CLOCK: variants seen among roughly 807,000 people sequenced by gnomAD.
The protein encoded by CLOCK is clock circadian regulator.
Under a neutral mutation model 118.4 loss-of-function variants are expected in CLOCK, and 43 were observed. The observed-to-expected ratio is 0.36, with a 90% CI of 0.28 to 0.47. The LOEUF (loss-of-function observed/expected upper bound fraction) is 0.47. Among genes scored for constraint, CLOCK ranks in the 20% least tolerant of loss-of-function variants. The probability of loss-of-function intolerance (pLI) is 1.00; values close to 1 mark genes in which losing one functional copy is unlikely to be tolerated. For synonymous variants in CLOCK, 326 were observed against 339.2 expected (o/e 0.96, Z 0.43); for missense variants, 846 against 999.9 (o/e 0.85, Z 2.08).
chr4:55,491,540 C>CA (rs1727693939), intron 2 of CLOCK, among the ~76,000 whole-genome samples: 1 of 151,890 alleles, frequency 6.6e-6, no homozygotes. Flanking sequence ...TGAGACAACT[C>CA]AATAAATATA....
intron 1 of CLOCK, among the ~76,000 whole-genome samples, chr4:55,525,928 G>A (rs1398424865): frequency 1.3e-5 from 2 of 149,038 alleles, no homozygotes; most frequent in African/African-American, 2.5e-5. Flanking sequence ...GGGTTAATAC[G>A]AAAATGTTTA....
chr4:55,534,921 A>T (rs1272448179), intron 1 of CLOCK, among the ~76,000 whole-genome samples: 2 of 148,288 alleles, frequency 1.3e-5, no homozygotes, highest in Non-Finnish European at 3.0e-5. Flanking sequence ...TTTCTGTATA[A>T]AGTGAGAATT....
chr4:55,444,198 A>G (rs1223157078), intron 19 of CLOCK, among the ~76,000 whole-genome samples: 1 of 152,186 alleles, frequency 6.6e-6, no homozygotes, highest in African/African-American at 2.4e-5. Context: ...TTTCACTCCA[A>G]GTTTCCCTTT....
At chr4:55,535,818 A>G (rs557669002) in intron 1 of CLOCK, among the ~76,000 whole-genome samples, 117 of 142,456 alleles carry the variant, frequency 8.2e-4, no homozygotes, top group African/African-American at 3.0e-3. Flanking sequence ...ATCTTGGCTC[A>G]CTGCAACCTC....
At chr4:55,514,493 ATTT>A (rs1363758262) in intron 1 of CLOCK, among the ~76,000 whole-genome samples, 4 of 133,682 alleles carry the variant, frequency 3.0e-5, no homozygotes, top group African/African-American at 1.1e-4. Flanking sequence ...ATTTTAGAAC[ATTT>A]TTATCCCCCC....
chr4:55,518,122 T>C (rs1311551186), intron 1 of CLOCK, among the ~76,000 whole-genome samples: 2 of 152,202 alleles, frequency 1.3e-5, no homozygotes, highest in Non-Finnish European at 2.9e-5. Context: ...GGAGCTATTG[T>C]TTCAGCTTTA....
intron 13 of CLOCK, among the ~76,000 whole-genome samples, chr4:55,454,353 G>A (rs1014619729): frequency 1.1e-4 from 17 of 152,010 alleles, no homozygotes; most frequent in Admixed American, 8.5e-4. Context: ...GGTGGCTCAC[G>A]CCTGTAATCT....
At chr4:55,517,769 A>G (rs1291676167) in intron 1 of CLOCK, among the ~76,000 whole-genome samples, 1 of 152,080 alleles carries the variant, frequency 6.6e-6, no homozygotes, top group Non-Finnish European at 1.5e-5. Flanking sequence ...TACAAAATCA[A>G]TTTGCTTAAT....
intron 7 of CLOCK, among the ~76,000 whole-genome samples, chr4:55,473,376 T>G (rs1293073705): frequency 6.6e-6 from 1 of 152,230 alleles, no homozygotes; most frequent in Non-Finnish European, 1.5e-5. Context: ...TGAGTTAATA[T>G]ATAAAAATTA....
intron 8 of CLOCK, among the ~76,000 whole-genome samples, chr4:55,467,241 A>AT (rs1725795443): frequency 6.6e-6 from 1 of 152,190 alleles, no homozygotes; most frequent in African/African-American, 2.4e-5. Context: ...CTCACTAAAG[A>AT]TTAGAAAGGG....
intron 17 of CLOCK, 56 bp downstream of exon 17, chr4:55,449,339 TC>T: frequency 6.9e-7 from 1 of 1,439,866 alleles, no homozygotes; most frequent in Non-Finnish European, 9.8e-7. Flanking sequence ...AAGATTTAGA[TC>T]ATTTTTCCCC....
At chr4:55,448,601 C>CGTGTGTGTGTGT (rs3034980) in intron 18 of CLOCK, among the ~76,000 whole-genome samples, 178 bp downstream of exon 18, 1 of 116,978 alleles carries the variant, frequency 8.5e-6, no homozygotes. Flanking sequence ...CGCACGCGCG[C>CGTGTGTGTGTGT]GTGTGTGTGT....
intron 8 of CLOCK, among the ~76,000 whole-genome samples, chr4:55,470,402 T>G (rs1344435109): frequency 1.3e-5 from 2 of 152,230 alleles, no homozygotes; most frequent in African/African-American, 4.8e-5. Context: ...ATATACCATA[T>G]AGCCTAAGTG....
chr4:55,458,794 G>A (rs1725100547), intron 11 of CLOCK, 98 bp downstream of exon 11: 1 of 784,882 alleles, frequency 1.3e-6, no homozygotes, highest in Non-Finnish European at 2.2e-6. Flanking sequence ...CATATTTAAT[G>A]ACTCATAGCC....
At chr4:55,542,487 T>C (rs910486550) in intron 1 of CLOCK, among the ~76,000 whole-genome samples, 4 of 150,884 alleles carry the variant, frequency 2.7e-5, no homozygotes, top group Admixed American at 2.0e-4. Context: ...GTATCTCCCA[T>C]AGTAAATAGT....
At chr4:55,463,039 T>G (rs1400456489) in intron 9 of CLOCK, among the ~76,000 whole-genome samples, 1 of 152,204 alleles carries the variant, frequency 6.6e-6, no homozygotes, top group Non-Finnish European at 1.5e-5. Context: ...TTCTGGATTT[T>G]ATACAGGGTA....
intron 1 of CLOCK, 159 bp downstream of exon 1, chr4:55,546,623 C>CCCCA (rs1417401767): frequency 2.3e-5 from 3 of 128,860 alleles, no homozygotes; most frequent in African/African-American, 5.7e-5. Context: ...GAGTGGCGCC[C>CCCCA]CCCACCCACC....
At chr4:55,545,754 T>C (rs1731574592) in intron 1 of CLOCK, 1 of 152,192 alleles carries the variant, frequency 6.6e-6, no homozygotes, top group Non-Finnish European at 1.5e-5. Flanking sequence ...TGTAGGAAAT[T>C]ACACTCCAGG....
chr4:55,458,930 C>T lies in CLOCK; in HGVS notation c.754G>A (p.Val252Ile), dbSNP rs777879349. 1.9e-6 allele frequency: 3 copies of T among 1,613,628 alleles called. No homozygotes were observed. The highest frequency in any genetic ancestry group is 2.5e-6 in the Non-Finnish European group (3 of 1,179,834). ...GGTGTAGCTAACCTGACAGTAGCTA[C>T]AAAACAAACTCTATCTTCATAAGAT... is the stretch of plus-strand genomic sequence containing the variant. ...RPSYEDRVCF[V>I]ATVRLATPQF... Residue 252 changes from valine (V) to isoleucine (I), a missense_variant, in exon 11 of 23, where the codon GTA becomes ATA. By Grantham distance (29) the Val-to-Ile change is conservative (BLOSUM62 3). This residue lies in a region of CLOCK where 246 missense variants were observed against 300.2 expected (regional missense o/e 0.82). Coordinates refer to ENST00000513440, the MANE Select transcript of CLOCK (RefSeq NM_004898.4).
Sources: gnomAD v4.1 joint callset for allele counts (sites outside exome capture counted in the v4.1 genomes callset) on GRCh38, gnomAD v4.1.1 for gene constraint, gnomAD v4.1.1 regional missense constraint, MANE v1.5 for transcripts, NCBI Gene and HGNC (gene_info 2026-07-23, HGNC 2026-07-21) for gene names.